LRFN5: variants seen among roughly 807,000 people sequenced by gnomAD.
LRFN5 encodes leucine-rich repeat and fibronectin type-III domain-containing protein 5.
Under a neutral mutation model 45.6 loss-of-function variants are expected in LRFN5, and 24 were observed. The ratio of observed to expected loss-of-function variants is 0.53; its 90% CI spans 0.38 to 0.74. The LOEUF (loss-of-function observed/expected upper bound fraction) is 0.74, where lower values mean the gene tolerates loss of function less well. Among genes scored for constraint, LRFN5 ranks in the 30% least tolerant of loss-of-function variants. The probability of loss-of-function intolerance (pLI) is 0.00; values close to 1 mark genes in which losing one functional copy is unlikely to be tolerated. For synonymous variants in LRFN5, 340 were observed against 313.8 expected, an observed-to-expected ratio of 1.08 and a Z score of -0.88; for missense variants, 776 against 861.5, an observed-to-expected ratio of 0.90 and a Z score of 1.24.
chr14:41,694,188 G>A (rs959261004), intron 1 of LRFN5, among the ~76,000 whole-genome samples: 1 of 151,634 alleles, frequency 6.6e-6, no homozygotes, highest in Non-Finnish European at 1.5e-5. Flanking sequence ...TTTTTTTGTG[G>A]AGATACATTT....
intron 1 of LRFN5, among the ~76,000 whole-genome samples, chr14:41,671,622 T>TGTTTTG (rs1450386390): frequency 2.2e-5 from 3 of 137,068 alleles, no homozygotes; most frequent in East Asian, 4.4e-4. Context: ...TTTTCGTTTT[T>TGTTTTG]TTTTTTTTTT....
intron 2 of LRFN5, among the ~76,000 whole-genome samples, chr14:41,779,646 G>A (rs190715788): frequency 4.5e-4 from 68 of 151,886 alleles, no homozygotes; most frequent in Middle Eastern, 3.4e-3. Flanking sequence ...CTCAATGTCC[G>A]TTAACAGATA....
chr14:41,735,484 C>T (rs1884386172), intron 1 of LRFN5, among the ~76,000 whole-genome samples: 1 of 151,948 alleles, frequency 6.6e-6, no homozygotes, highest in Admixed American at 6.6e-5. Flanking sequence ...GTTGCTCAGG[C>T]TGGTCATAAA....
At chr14:41,794,749 A>C (rs2138953451) in intron 2 of LRFN5, among the ~76,000 whole-genome samples, 1 of 152,146 alleles carries the variant, frequency 6.6e-6, no homozygotes, top group Non-Finnish European at 1.5e-5. Context: ...AAATTGTAGA[A>C]GATGCACTTT....
At chr14:41,788,693 C>T (rs1272853235) in intron 2 of LRFN5, among the ~76,000 whole-genome samples, 4 of 152,116 alleles carry the variant, frequency 2.6e-5, no homozygotes, top group African/African-American at 4.8e-5. Flanking sequence ...CCTTTATCTA[C>T]GATTTATTTA....
intron 2 of LRFN5, among the ~76,000 whole-genome samples, chr14:41,863,698 T>C (rs1456783774): frequency 6.6e-6 from 1 of 152,232 alleles, no homozygotes; most frequent in Non-Finnish European, 1.5e-5. Context: ...TGTTTTATTA[T>C]TATACTTTAA....
intron 2 of LRFN5, among the ~76,000 whole-genome samples, chr14:41,788,844 T>A (rs72668845): frequency 0.15 from 22,816 of 152,064 alleles, 1,860 homozygotes; most frequent in Non-Finnish European, 0.18. Flanking sequence ...ATTCCTTAGG[T>A]ACTTCCCATG....
intron 3 of LRFN5, among the ~76,000 whole-genome samples, chr14:41,890,503 C>T (rs1030512029): frequency 2.0e-5 from 3 of 151,086 alleles, no homozygotes; most frequent in Non-Finnish European, 4.4e-5. Flanking sequence ...GTCAGGAGAT[C>T]GAGACCATCC....
chr14:41,876,531 C>T (rs369321200), intron 2 of LRFN5, among the ~76,000 whole-genome samples: 133 of 151,460 alleles, frequency 8.8e-4, no homozygotes, highest in Middle Eastern at 3.4e-3. Context: ...CTCCTGACCT[C>T]GTGATCCACC....
At chr14:41,773,709 A>G (rs1886173981) in intron 2 of LRFN5, among the ~76,000 whole-genome samples, 1 of 152,208 alleles carries the variant, frequency 6.6e-6, no homozygotes, top group Non-Finnish European at 1.5e-5. Context: ...AGGAAAAGCT[A>G]CAAATAGTCA....
intron 1 of LRFN5, among the ~76,000 whole-genome samples, chr14:41,752,206 G>A (rs900693656): frequency 2.7e-4 from 41 of 152,018 alleles, no homozygotes; most frequent in African/African-American, 8.7e-4. Flanking sequence ...GCTATTTTGA[G>A]TAGTGCCACA....
At chr14:41,840,803 T>C (rs1225333664) in intron 2 of LRFN5, among the ~76,000 whole-genome samples, 2 of 152,038 alleles carry the variant, frequency 1.3e-5, no homozygotes, top group African/African-American at 4.8e-5. Context: ...CTCCTGTTGA[T>C]ATTAAATGAT....
intron 2 of LRFN5, among the ~76,000 whole-genome samples, chr14:41,790,686 T>C (rs1315256166): frequency 6.6e-6 from 1 of 151,666 alleles, no homozygotes; most frequent in Non-Finnish European, 1.5e-5. Context: ...GAACTTTATT[T>C]ATCAGTCGAT....
chr14:41,693,863 A>C (rs1470358773), intron 1 of LRFN5, among the ~76,000 whole-genome samples: 1 of 152,020 alleles, frequency 6.6e-6, no homozygotes, highest in Non-Finnish European at 1.5e-5. Context: ...GAAAGCGTTC[A>C]GTGTCCTCCA....
intron 3 of LRFN5, among the ~76,000 whole-genome samples, chr14:41,888,981 G>GTATATGTGTGTATGTATACACATATA (rs1457005517): frequency 2.1e-5 from 3 of 141,888 alleles, no homozygotes; most frequent in East Asian, 2.1e-4. Context: ...ATGTGTGTAT[G>GTATATGTGTGTATGTATACACATATA]TATATGTGTG....
intron 1 of LRFN5, among the ~76,000 whole-genome samples, chr14:41,708,109 G>T (rs1883140101): frequency 6.6e-6 from 1 of 151,866 alleles, no homozygotes; most frequent in Non-Finnish European, 1.5e-5. Context: ...GTACAGTAAA[G>T]TATTTCATAT....
At chr14:41,661,319 C>T (rs998979324) in intron 1 of LRFN5, among the ~76,000 whole-genome samples, 1 of 151,994 alleles carries the variant, frequency 6.6e-6, no homozygotes, top group South Asian at 2.1e-4. Context: ...TCAAATTTTG[C>T]TCTTCATAAG....
At chr14:41,613,040 T>A (rs1482047059) in intron 1 of LRFN5, among the ~76,000 whole-genome samples, 1 of 152,120 alleles carries the variant, frequency 6.6e-6, no homozygotes, top group Non-Finnish European at 1.5e-5. Context: ...TAATAAGTGA[T>A]AAAAATTACA....
intron 1 of LRFN5, among the ~76,000 whole-genome samples, chr14:41,761,153 A>G (rs1197166948): frequency 6.6e-6 from 1 of 152,120 alleles, no homozygotes; most frequent in Non-Finnish European, 1.5e-5. Context: ...AATATATCCA[A>G]TAACATTCAC....
Sources: gnomAD v4.1 joint callset for allele counts (sites outside exome capture counted in the v4.1 genomes callset) on GRCh38, gnomAD v4.1.1 for gene constraint, MANE v1.5 for transcripts, NCBI Gene and HGNC (gene_info 2026-07-23, HGNC 2026-07-21) for gene names.